SORBS2: variants seen among roughly 807,000 people sequenced by gnomAD.
The protein encoded by SORBS2 is sorbin and SH3 domain-containing protein 2.
Under a neutral mutation model 97.7 loss-of-function variants are expected in SORBS2, and 46 were observed. The observed-to-expected ratio is 0.47, with a 90% CI of 0.37 to 0.60. The LOEUF is 0.60. Among genes scored for constraint, SORBS2 ranks in the 20% least tolerant of loss-of-function variants. The pLI is 0.00. For synonymous variants in SORBS2, 476 were observed against 473.4 expected (o/e 1.01, Z -0.07); for missense variants, 1,316 against 1,282.3 (o/e 1.03, Z -0.40).
chr4:185,856,481 G>A (rs1579206766), intron 1 of SORBS2, among the ~76,000 whole-genome samples: 1 of 152,188 alleles, frequency 6.6e-6, no homozygotes, highest in East Asian at 1.9e-4. Flanking sequence ...CCACTATCTT[G>A]CCTACAGCTA....
At chr4:185,846,269 C>G (rs1306869328) in intron 1 of SORBS2, among the ~76,000 whole-genome samples, 1 of 152,182 alleles carries the variant, frequency 6.6e-6, no homozygotes, top group Non-Finnish European at 1.5e-5. Flanking sequence ...CTCTCAAATG[C>G]ATCATGCCAG....
chr4:185,603,542 G>A (rs1343963131), intron 12 of SORBS2, among the ~76,000 whole-genome samples: 1 of 152,158 alleles, frequency 6.6e-6, no homozygotes, highest in East Asian at 1.9e-4. Flanking sequence ...TCCTAATACA[G>A]AACCTTAGCT....
At chr4:185,640,529 T>C (rs1464212966) in intron 4 of SORBS2, among the ~76,000 whole-genome samples, 1 of 152,236 alleles carries the variant, frequency 6.6e-6, no homozygotes, top group Non-Finnish European at 1.5e-5. Flanking sequence ...GCCAGTATTA[T>C]ATTTGGTTTA....
At chr4:185,797,444 G>A (rs1204338281) in intron 1 of SORBS2, among the ~76,000 whole-genome samples, 1 of 152,010 alleles carries the variant, frequency 6.6e-6, no homozygotes. Context: ...AAGCTCCAAT[G>A]GTTCTCTCTC....
chr4:185,730,747 G>A (rs2098613420), intron 2 of SORBS2, among the ~76,000 whole-genome samples: 1 of 152,216 alleles, frequency 6.6e-6, no homozygotes, highest in Non-Finnish European at 1.5e-5. Flanking sequence ...GAGTCCCAGA[G>A]GTCACAGACT....
chr4:185,683,183 A>G (rs890703287), intron 2 of SORBS2, among the ~76,000 whole-genome samples: 1 of 152,054 alleles, frequency 6.6e-6, no homozygotes, highest in Non-Finnish European at 1.5e-5. Flanking sequence ...CCAAAGCTAC[A>G]TTGTTATTAC....
rs147598855 is a variant in SORBS2, at chr4:185,907,894, C to A, written c.-338+48302G>T. Among the ~76,000 whole-genome samples, 681 of 152,178 alleles carry A rather than the reference C, an allele frequency of 4.5e-3. 7 individuals carry two copies. The highest frequency in any genetic ancestry group is 0.016 in the African/African-American group (646 of 41,506). On this transcript the variant is annotated intron_variant, in intron 1 of 20. Coordinates refer to the SORBS2 transcript ENST00000284776. ...CTATGCTTTGTCTTGGTAAACATAA[C>A]CATATACACAATTGTCTGCCTTTAA... is the stretch of plus-strand genomic sequence containing the variant.
chr4:185,769,399 G>A (rs955357298), intron 2 of SORBS2, among the ~76,000 whole-genome samples: 2 of 152,140 alleles, frequency 1.3e-5, no homozygotes, highest in African/African-American at 2.4e-5. Flanking sequence ...GTGTTGTTTG[G>A]CATCACCATC....
intron 2 of SORBS2, among the ~76,000 whole-genome samples, chr4:185,769,737 G>A (rs1272622809): frequency 1.3e-5 from 2 of 152,132 alleles, no homozygotes; most frequent in African/African-American, 4.8e-5. Flanking sequence ...TGATCCACCC[G>A]CCTTGGCCTC....
At position 185,796,346 on chromosome 4, in the gene SORBS2, C is replaced by T. The variant is rs539607795; in HGVS notation, c.-337-20980G>A. The stretch of plus-strand genomic sequence containing the variant: ...TGCCCTGCCATCTGGCTCTGGTCTG[C>T]TTGCTCGATTTTACTCACTATCTCT... On this transcript the variant is annotated intron_variant, in intron 1 of 20. Coordinates refer to the SORBS2 transcript ENST00000284776. 2.0e-5 allele frequency among the ~76,000 whole-genome samples: 3 copies of T among 152,370 alleles called. No individual in the cohort carries two copies. In the South Asian group the frequency reaches 6.2e-4, roughly 32 times the overall value.
Position 185,651,252 on chromosome 4 carries a change from C to T in SORBS2, c.91+1410G>A, listed in dbSNP as rs570597906. ...TACCAAGGCTCGCCAATCCAAGTGG[C>T]AGTGCCTGGAACTGAAGCCATTCTA... On this transcript the variant is annotated intron_variant, in intron 2 of 14. Coordinates refer to ENST00000418609, the Ensembl canonical transcript of SORBS2. Among the ~76,000 whole-genome samples the T allele has an allele frequency of 5.3e-5, 8 of 152,298 alleles. No homozygotes were observed. The South Asian group carries it at 1.2e-3, about 24-fold the overall frequency.
At chr4:185,625,711 T>C (rs1346247263) in intron 6 of SORBS2, among the ~76,000 whole-genome samples, 1 of 152,254 alleles carries the variant, frequency 6.6e-6, no homozygotes, top group Non-Finnish European at 1.5e-5. Context: ...AGAGGAAAGA[T>C]GTGATGGATG....
chr4:185,879,590 G>A (rs1177271242), intron 1 of SORBS2, among the ~76,000 whole-genome samples: 3 of 152,126 alleles, frequency 2.0e-5, no homozygotes, highest in South Asian at 2.1e-4. Context: ...CTGAGGAATC[G>A]CCACAATGAC....
intron 8 of SORBS2, among the ~76,000 whole-genome samples, 153 bp from the exon 21 acceptor site, chr4:185,618,784 A>G (rs921426859): frequency 6.6e-6 from 1 of 152,266 alleles, no homozygotes; most frequent in Admixed American, 6.5e-5. Flanking sequence ...AAGTCCATTC[A>G]TTCTTCATTT....
Position 185,938,383 on chromosome 4 carries a change from GACACATAC to G in SORBS2, c.-338+17805_-338+17812del, listed in dbSNP as rs1443599360. ...GGATCCTCTCACCCAGAAAAATGTA[GACACATAC>G]ACACACACACACACACACACACACA... On this transcript the variant is annotated intron_variant, in intron 1 of 20. Transcript: ENST00000284776. 4.1e-3 allele frequency among the ~76,000 whole-genome samples: 379 copies of G among 91,408 alleles called. 1 individual carries two copies. The highest frequency in any genetic ancestry group is 0.015 in the African/African-American group (357 of 24,180). 60.0% of individuals were successfully genotyped at this position (91,408 alleles called of 152,430 possible).
chr4:185,634,326 C>T (rs970189183), intron 4 of SORBS2, among the ~76,000 whole-genome samples: 3 of 152,164 alleles, frequency 2.0e-5, no homozygotes, highest in Admixed American at 2.0e-4. Context: ...GGTTGTGTTT[C>T]CCAGTTGCAC....
At chr4:185,637,967 A>G in intron 4 of SORBS2, 112 bp downstream of exon 15, 2 of 724,588 alleles carry the variant, frequency 2.8e-6, no homozygotes, top group Non-Finnish European at 5.0e-6. Flanking sequence ...TGTATACATT[A>G]TGCATTCGGC....
chr4:185,668,701 TA>T (rs1297763974), intron 4 of SORBS2, among the ~76,000 whole-genome samples: 2 of 152,102 alleles, frequency 1.3e-5, no homozygotes, highest in African/African-American at 4.8e-5. Context: ...ACCTCAAAAA[TA>T]GGGAAAACTG....
chr4:185,646,122 G>A (rs1052985532), intron 4 of SORBS2: 1 of 152,248 alleles, frequency 6.6e-6, no homozygotes, highest in East Asian at 1.9e-4. Context: ...TATGAAAAGG[G>A]CATTTGGAAA....
Sources: gnomAD v4.1 joint callset for allele counts (sites outside exome capture counted in the v4.1 genomes callset) on GRCh38, gnomAD v4.1.1 for gene constraint, MANE v1.5 for transcripts, NCBI Gene and HGNC (gene_info 2026-07-23, HGNC 2026-07-21) for gene names.